The following SRBD1 variants were observed in gnomAD, a reference collection of about 807,000 sequenced individuals.
The protein encoded by SRBD1 is S1 RNA-binding domain-containing protein 1.
In SRBD1, 88 loss-of-function variants were observed where a neutral mutation model predicts 115.3. The ratio of observed to expected loss-of-function variants is 0.76; its 90% CI spans 0.64 to 0.91. The LOEUF (loss-of-function observed/expected upper bound fraction) is 0.91, where lower values mean the gene tolerates loss of function less well. Among genes scored for constraint, SRBD1 ranks in the 40% least tolerant of loss-of-function variants. The pLI is 0.00. For synonymous variants in SRBD1, 509 were observed against 407.7 expected (o/e 1.25, Z -2.99); for missense variants, 1,385 against 1,177.4 (o/e 1.18, Z -2.58).
At chr2:45,475,145 A>G (rs1669768280) in intron 16 of SRBD1, among the ~76,000 whole-genome samples, 1 of 152,086 alleles carries the variant, frequency 6.6e-6, no homozygotes, top group Admixed American at 6.6e-5. Flanking sequence ...ATCTTAACCC[A>G]CCAAACCTGC....
At chr2:45,464,984 G>A (rs1409910779) in intron 16 of SRBD1, among the ~76,000 whole-genome samples, 1 of 147,360 alleles carries the variant, frequency 6.8e-6, no homozygotes, top group African/African-American at 2.5e-5. Context: ...AAAAGAAACT[G>A]TCATGGTTGA....
intron 5 of SRBD1, among the ~76,000 whole-genome samples, chr2:45,584,788 G>A (rs912498200): frequency 5.3e-5 from 8 of 152,046 alleles, no homozygotes; most frequent in Non-Finnish European, 1.0e-4. Flanking sequence ...TTTTTAAAAA[G>A]GTACTTTCCA....
chr2:45,435,766 C>G (rs992228149), intron 16 of SRBD1, among the ~76,000 whole-genome samples: 3 of 152,106 alleles, frequency 2.0e-5, no homozygotes. Flanking sequence ...ACACTACCCC[C>G]ACCCTAACAA....
intron 16 of SRBD1, among the ~76,000 whole-genome samples, chr2:45,459,109 C>G (rs1269688387): frequency 6.6e-6 from 1 of 151,972 alleles, no homozygotes; most frequent in Non-Finnish European, 1.5e-5. Context: ...AGCATTCTAC[C>G]CTCTTCCACT....
At chr2:45,533,474 A>G (rs530709784) in intron 14 of SRBD1, among the ~76,000 whole-genome samples, 81 of 152,190 alleles carry the variant, frequency 5.3e-4, no homozygotes, top group African/African-American at 1.8e-3. Flanking sequence ...TACAAGCATT[A>G]AAGTCTCAGA....
chr2:45,433,129 C>G (rs1668389659), intron 16 of SRBD1, among the ~76,000 whole-genome samples: 1 of 152,162 alleles, frequency 6.6e-6, no homozygotes, highest in African/African-American at 2.4e-5. Flanking sequence ...CCATCATCCA[C>G]TCATGTCTCT....
Position 45,602,427 on chromosome 2 carries a change from T to C in SRBD1, c.81-344A>G, listed in dbSNP as rs569296245. On this transcript the variant is annotated intron_variant, in intron 2 of 20. Coordinates refer to ENST00000263736, the MANE Select transcript of SRBD1 (RefSeq NM_018079.5). ...ATGTCAAACTATAGTCAATGTGAGCTTTTCAATTTTAACAGTGAAAAGCAC... is the reference window on the plus strand; with the variant it reads ...ATGTCAAACTATAGTCAATGTGAGCCTTTCAATTTTAACAGTGAAAAGCAC... 1.6e-4 allele frequency among the ~76,000 whole-genome samples: 24 copies of C among 152,342 alleles called. No individual in the cohort carries two copies. The East Asian group carries it at 4.2e-3, about 27-fold the overall frequency.
intron 16 of SRBD1, among the ~76,000 whole-genome samples, chr2:45,433,173 T>C (rs752940883): frequency 6.6e-5 from 10 of 152,142 alleles, no homozygotes; most frequent in Non-Finnish European, 1.2e-4. Context: ...ATACAAAATG[T>C]AGCTAGAAAA....
chr2:45,440,467 T>C (rs1300123909), intron 16 of SRBD1, among the ~76,000 whole-genome samples: 5 of 152,140 alleles, frequency 3.3e-5, no homozygotes, highest in African/African-American at 1.2e-4. Flanking sequence ...TAATTTACCA[T>C]AAACAAAGAA....
chr2:45,602,697 G>A (rs2104255984), intron 2 of SRBD1, among the ~76,000 whole-genome samples: 1 of 152,214 alleles, frequency 6.6e-6, no homozygotes, highest in South Asian at 2.1e-4. Context: ...CTCACAGCAA[G>A]AGCAGAGAAA....
intron 4 of SRBD1, among the ~76,000 whole-genome samples, chr2:45,597,306 G>C (rs1488123052): frequency 2.0e-5 from 3 of 151,980 alleles, no homozygotes; most frequent in Non-Finnish European, 4.4e-5. Flanking sequence ...TGTGGTTCCA[G>C]CTACTCAGGA....
intron 19 of SRBD1, among the ~76,000 whole-genome samples, chr2:45,408,949 G>A (rs1667515997): frequency 6.6e-6 from 1 of 152,188 alleles, no homozygotes. Context: ...CTGGCCGGGT[G>A]CAGTGGCTCA....
At chr2:45,391,668 G>A (rs1220380323) in intron 20 of SRBD1, among the ~76,000 whole-genome samples, 1 of 152,148 alleles carries the variant, frequency 6.6e-6, no homozygotes, top group African/African-American at 2.4e-5. Flanking sequence ...GAACACTGCA[G>A]TAAGTGGAAA....
chr2:45,466,057 G>A (rs1270306890), intron 16 of SRBD1, among the ~76,000 whole-genome samples: 1 of 152,146 alleles, frequency 6.6e-6, no homozygotes, highest in Non-Finnish European at 1.5e-5. Context: ...ACAAGAAGTG[G>A]AAACAGCCTA....
chr2:45,606,157 CTTTT>C (rs71394845), intron 1 of SRBD1, among the ~76,000 whole-genome samples: 8 of 116,738 alleles, frequency 6.9e-5, no homozygotes, highest in African/African-American at 1.3e-4. Flanking sequence ...TTTTCCTATT[CTTTT>C]TTTTTTTTTT....
chr2:45,576,093 T>G (rs1673168537), intron 7 of SRBD1, among the ~76,000 whole-genome samples: 1 of 151,990 alleles, frequency 6.6e-6, no homozygotes, highest in Non-Finnish European at 1.5e-5. Context: ...ACTTCTGCTT[T>G]TGCTATTCCT....
At chr2:45,606,353 T>C (rs923540499) in intron 1 of SRBD1, among the ~76,000 whole-genome samples, 3 of 152,068 alleles carry the variant, frequency 2.0e-5, no homozygotes, top group Admixed American at 2.0e-4. Context: ...AGAGACAGCA[T>C]TTCTCCATGT....
intron 4 of SRBD1, among the ~76,000 whole-genome samples, chr2:45,585,981 T>G (rs1673509118): frequency 6.6e-6 from 1 of 152,132 alleles, no homozygotes; most frequent in African/African-American, 2.4e-5. Flanking sequence ...TTCAATAAAA[T>G]CTAATCCAAA....
intron 14 of SRBD1, among the ~76,000 whole-genome samples, chr2:45,511,258 G>GTA (rs1337626612): frequency 1.3e-5 from 2 of 152,158 alleles, no homozygotes; most frequent in African/African-American, 4.8e-5. Context: ...CCAAAGCTGC[G>GTA]TATCTTCGGA....
Sources: gnomAD v4.1 joint callset for allele counts (sites outside exome capture counted in the v4.1 genomes callset) on GRCh38, gnomAD v4.1.1 for gene constraint, MANE v1.5 for transcripts, NCBI Gene and HGNC (gene_info 2026-07-23, HGNC 2026-07-21) for gene names.